Variants in GULP1 observed in about 807,000 individuals in gnomAD.
The protein encoded by GULP1 is GULP PTB domain containing engulfment adaptor 1.
Under a neutral mutation model 40.9 loss-of-function variants are expected in GULP1, and 19 were observed. The ratio of observed to expected loss-of-function variants is 0.46; its 90% CI spans 0.32 to 0.68. The LOEUF is 0.68. GULP1 is among the 30% of genes least tolerant of loss of function. The probability of loss-of-function intolerance (pLI) is 0.03; values close to 1 mark genes in which losing one functional copy is unlikely to be tolerated. For synonymous variants in GULP1, 119 were observed against 117.6 expected, an observed-to-expected ratio of 1.01 and a Z score of -0.08; for missense variants, 312 against 362.2, an observed-to-expected ratio of 0.86 and a Z score of 1.12.
intron 2 of GULP1, among the ~76,000 whole-genome samples, chr2:188,448,432 A>G (rs1012662855): frequency 1.3e-5 from 2 of 152,226 alleles, no homozygotes; most frequent in Non-Finnish European, 2.9e-5. Flanking sequence ...TAACAAAATT[A>G]TCTTCCTTTG....
At chr2:188,321,481 AG>A (rs1383954943) in intron 1 of GULP1, among the ~76,000 whole-genome samples, 2 of 152,166 alleles carry the variant, frequency 1.3e-5, no homozygotes, top group African/African-American at 4.8e-5. Context: ...AACTACTAAA[AG>A]ATAACGTTCT....
intron 6 of GULP1, among the ~76,000 whole-genome samples, chr2:188,530,109 G>A (rs1229081556): frequency 6.6e-6 from 1 of 152,110 alleles, no homozygotes; most frequent in Non-Finnish European, 1.5e-5. Context: ...CTGAAACTTA[G>A]CTATGTGTTA....
chr2:188,396,799 G>A (rs758448200), intron 2 of GULP1, among the ~76,000 whole-genome samples: 22 of 152,188 alleles, frequency 1.4e-4, no homozygotes, highest in Non-Finnish European at 2.8e-4. Context: ...GAGTTAGCTG[G>A]CAGGCTTCCA....
At chr2:188,475,193 A>G (rs2060910907) in intron 2 of GULP1, among the ~76,000 whole-genome samples, 1 of 152,148 alleles carries the variant, frequency 6.6e-6, no homozygotes, top group Non-Finnish European at 1.5e-5. Flanking sequence ...TGCATCAAAT[A>G]AAATGCTAAG....
intron 7 of GULP1, among the ~76,000 whole-genome samples, chr2:188,558,319 C>CT (rs1268247988): frequency 3.9e-5 from 6 of 152,194 alleles, no homozygotes; most frequent in Non-Finnish European, 2.9e-5. Flanking sequence ...CTCATGAGAT[C>CT]TGATGGTTTT....
chr2:188,543,441 A>G (rs72896844), intron 7 of GULP1, among the ~76,000 whole-genome samples: 1,819 of 152,260 alleles, frequency 0.012, 15 homozygotes, highest in East Asian at 0.022. Flanking sequence ...GTGCTGAAAA[A>G]GGACGTTTCC....
intron 7 of GULP1, among the ~76,000 whole-genome samples, chr2:188,544,143 C>T (rs1267686970): frequency 6.6e-6 from 1 of 151,928 alleles, no homozygotes; most frequent in African/African-American, 2.4e-5. Flanking sequence ...GATGAAGCCA[C>T]CTAAAGCAGA....
At chr2:188,370,939 T>C (rs1264318742) in intron 1 of GULP1, among the ~76,000 whole-genome samples, 6 of 152,132 alleles carry the variant, frequency 3.9e-5, no homozygotes, top group Non-Finnish European at 5.9e-5. Context: ...GATAAGATTT[T>C]TCTCCTCTCT....
intron 3 of GULP1, among the ~76,000 whole-genome samples, chr2:188,481,822 T>A (rs1488302440): frequency 2.6e-5 from 4 of 151,928 alleles, no homozygotes. Flanking sequence ...CCTAAAGGTG[T>A]TTTTCTTGTT....
intron 2 of GULP1, among the ~76,000 whole-genome samples, chr2:188,423,340 A>C (rs1427141546): frequency 6.6e-6 from 1 of 152,042 alleles, no homozygotes; most frequent in Non-Finnish European, 1.5e-5. Flanking sequence ...CTAATGGAAA[A>C]ATTAAATTAG....
chr2:188,405,811 G>T (rs989874762), intron 2 of GULP1, among the ~76,000 whole-genome samples: 4 of 152,186 alleles, frequency 2.6e-5, no homozygotes, highest in Non-Finnish European at 5.9e-5. Context: ...ATTGGTGAAG[G>T]CTTACCCAAA....
intron 2 of GULP1, among the ~76,000 whole-genome samples, chr2:188,435,555 C>T (rs2057328778): frequency 6.6e-6 from 1 of 152,036 alleles, no homozygotes; most frequent in Admixed American, 6.6e-5. Flanking sequence ...CTTAAAATTA[C>T]AGCCATTTAT....
chr2:188,342,419 T>A (rs2043095092), intron 1 of GULP1, among the ~76,000 whole-genome samples: 1 of 152,172 alleles, frequency 6.6e-6, no homozygotes, highest in Admixed American at 6.5e-5. Flanking sequence ...ACACTGATCA[T>A]CACTGGATTT....
intron 1 of GULP1, among the ~76,000 whole-genome samples, chr2:188,365,348 T>C (rs1458378390): frequency 1.3e-5 from 2 of 152,178 alleles, no homozygotes; most frequent in Admixed American, 1.3e-4. Flanking sequence ...TCACCATTCA[T>C]GTAAGGGGCT....
At chr2:188,567,528 T>C (rs191206546) in intron 7 of GULP1, among the ~76,000 whole-genome samples, 47 of 152,090 alleles carry the variant, frequency 3.1e-4, no homozygotes, top group African/African-American at 1.1e-3. Flanking sequence ...CTTAGCAAAC[T>C]AACACAGGAA....
chr2:188,351,825 C>T (rs751372733), intron 1 of GULP1, among the ~76,000 whole-genome samples: 15 of 152,070 alleles, frequency 9.9e-5, no homozygotes, highest in Non-Finnish European at 1.8e-4. Context: ...ACATACTTCT[C>T]GTATTAAATT....
At chr2:188,469,072 C>G (rs1234068971) in intron 2 of GULP1, among the ~76,000 whole-genome samples, 1 of 152,118 alleles carries the variant, frequency 6.6e-6, no homozygotes, top group Non-Finnish European at 1.5e-5. Context: ...AGGGTTGAGG[C>G]TGCTGAGGCT....
intron 2 of GULP1, among the ~76,000 whole-genome samples, chr2:188,412,986 G>C (rs1351368294): frequency 1.3e-5 from 2 of 152,068 alleles, no homozygotes; most frequent in Non-Finnish European, 2.9e-5. Context: ...TCTATTCACA[G>C]TGCAGAGGAG....
chr2:188,400,916 GGTGTGTTTGT>G, intron 2 of GULP1, among the ~76,000 whole-genome samples: 1 of 126,322 alleles, frequency 7.9e-6, no homozygotes, highest in Admixed American at 8.4e-5. Context: ...GGAAGAGAGT[GGTGTGTTTGT>G]GTGTGTGTGT....
Sources: allele counts gnomAD v4.1 joint callset (sites outside exome capture counted in the v4.1 genomes callset), GRCh38; gene constraint gnomAD v4.1.1; transcripts MANE v1.5; gene names NCBI Gene and HGNC (gene_info 2026-07-23, HGNC 2026-07-21).